Variants in SLC25A48 observed in about 807,000 individuals in gnomAD.
The protein encoded by SLC25A48 is CTC-321K16.1.
In SLC25A48, 29 loss-of-function variants were observed where a neutral mutation model predicts 32.2. That is an observed-to-expected ratio of 0.90 (90% CI 0.67 to 1.23). The LOEUF (loss-of-function observed/expected upper bound fraction) is 1.23. Ranked by LOEUF, SLC25A48 falls within the 50% of genes most tolerant of loss-of-function variation. The pLI is 0.00. For synonymous variants in SLC25A48, 164 were observed against 172.3 expected (o/e 0.95, Z 0.38); for missense variants, 399 against 422.7 (o/e 0.94, Z 0.49).
At position 135,834,911 on chromosome 5, in the gene SLC25A48, G is replaced by A; in HGVS notation, c.46+18G>A. 6.3e-7 allele frequency: 1 copy of A among 1,598,948 alleles called. No homozygotes were observed. Among genetic ancestry groups the A allele is most frequent in the South Asian group, 1.1e-5 (1 of 87,946 alleles). The stretch of plus-strand genomic sequence containing the variant: ...GATCGGAGGTGAGTGTGCTTACCGG[G>A]GACCCCCGGTCAGAGAGAGCGAGCC... On this transcript the variant is annotated intron_variant, in intron 1 of 7. Coordinates refer to ENST00000681962, the MANE Select transcript of SLC25A48 (RefSeq NM_001349336.2).
intron 1 of SLC25A48, among the ~76,000 whole-genome samples, chr5:135,604,844 C>T (rs1751893100): frequency 6.6e-6 from 1 of 152,164 alleles, no homozygotes; most frequent in African/African-American, 2.4e-5. Flanking sequence ...AGTCAGACTG[C>T]CAGGCGTGAA....
chr5:135,692,056 A>G (rs11959280), intron 3 of SLC25A48, among the ~76,000 whole-genome samples: 123,988 of 152,092 alleles, frequency 0.82, 50,777 homozygotes, highest in Middle Eastern at 0.89. Flanking sequence ...GGTGGCTCAC[A>G]CCTGTAATCC....
chr5:135,686,028 A>G (rs1331686679), intron 3 of SLC25A48, among the ~76,000 whole-genome samples: 1 of 152,222 alleles, frequency 6.6e-6, no homozygotes, highest in African/African-American at 2.4e-5. Flanking sequence ...GACTTGGTTC[A>G]TATGAGGCCG....
chr5:135,673,352 G>A (rs538814450), intron 3 of SLC25A48, among the ~76,000 whole-genome samples: 18 of 152,286 alleles, frequency 1.2e-4, no homozygotes, highest in Admixed American at 1.1e-3. Flanking sequence ...CTCCAGAAAT[G>A]CCTCTGAGAG....
chr5:135,656,293 A>G (rs973518756), intron 3 of SLC25A48, among the ~76,000 whole-genome samples: 1 of 152,146 alleles, frequency 6.6e-6, no homozygotes, highest in Non-Finnish European at 1.5e-5. Context: ...TCTGGTCCCC[A>G]TCTCACACTG....
intron 3 of SLC25A48, among the ~76,000 whole-genome samples, chr5:135,757,610 TGATATTAATAAAATATCTA>T (rs1471626827): frequency 1.3e-4 from 19 of 149,506 alleles, no homozygotes; most frequent in Non-Finnish European, 2.8e-4. Context: ...ATCTTCTAGA[TGATATTAATAAAATATCTA>T]GATATTAATA....
chr5:135,821,385 T>G (rs954835677), intron 4 of SLC25A48, among the ~76,000 whole-genome samples: 3 of 152,154 alleles, frequency 2.0e-5, no homozygotes, highest in Non-Finnish European at 4.4e-5. Context: ...GGGCAGAGAC[T>G]GGTGTCTCAG....
intron 1 of SLC25A48, among the ~76,000 whole-genome samples, chr5:135,580,781 A>G (rs866529386): frequency 1.3e-5 from 2 of 152,164 alleles, no homozygotes; most frequent in Admixed American, 6.5e-5. Flanking sequence ...TCTTGGGTGA[A>G]ATCTTCCCAA....
At chr5:135,606,540 G>A (rs565995386) in intron 1 of SLC25A48, among the ~76,000 whole-genome samples, 1 of 152,276 alleles carries the variant, frequency 6.6e-6, no homozygotes, top group South Asian at 2.1e-4. Context: ...GCATTGTCGG[G>A]TCTGTTTCAC....
chr5:135,828,172 C>T (rs1758114299), intron 4 of SLC25A48, among the ~76,000 whole-genome samples: 1 of 152,206 alleles, frequency 6.6e-6, no homozygotes, highest in Non-Finnish European at 1.5e-5. Flanking sequence ...AGATTTGGTG[C>T]AAAAGAGATC....
intron 1 of SLC25A48, among the ~76,000 whole-genome samples, chr5:135,835,785 A>G (rs549484772): frequency 6.6e-6 from 1 of 152,236 alleles, no homozygotes; most frequent in African/African-American, 2.4e-5. Context: ...GGGTGAAAAA[A>G]TAAGATGAAA....
intron 4 of SLC25A48, among the ~76,000 whole-genome samples, chr5:135,814,683 C>T (rs1757673319): frequency 6.6e-6 from 1 of 152,212 alleles, no homozygotes; most frequent in Admixed American, 6.5e-5. Context: ...TGCCGCATCT[C>T]CAGGATGGTG....
At chr5:135,661,249 G>A (rs547922189) in intron 3 of SLC25A48, among the ~76,000 whole-genome samples, 7 of 152,352 alleles carry the variant, frequency 4.6e-5, no homozygotes, top group South Asian at 2.1e-4. Context: ...AGGCAGATGC[G>A]GGGAGAGACA....
chr5:135,865,765 G>T (rs901153545), intron 4 of SLC25A48, among the ~76,000 whole-genome samples: 1 of 152,214 alleles, frequency 6.6e-6, no homozygotes, highest in Non-Finnish European at 1.5e-5. Context: ...GGCATGGGCT[G>T]TGGGGACCTT....
chr5:135,843,829 G>T (rs964288901), intron 2 of SLC25A48, among the ~76,000 whole-genome samples: 6 of 152,228 alleles, frequency 3.9e-5, no homozygotes, highest in African/African-American at 1.2e-4. Flanking sequence ...TGGTGCAGGT[G>T]CTTGGAGAGG....
At chr5:135,858,628 G>A (rs1035046439) in intron 4 of SLC25A48, among the ~76,000 whole-genome samples, 2 of 152,238 alleles carry the variant, frequency 1.3e-5, no homozygotes. Flanking sequence ...AGTGGGAGGT[G>A]GAGGAGGTCT....
intron 4 of SLC25A48, among the ~76,000 whole-genome samples, chr5:135,865,825 C>G (rs139697795): frequency 2.0e-5 from 3 of 152,302 alleles, no homozygotes; most frequent in Non-Finnish European, 2.9e-5. Context: ...ACCCATCGAA[C>G]AGCAGCTGTA....
intron 1 of SLC25A48, among the ~76,000 whole-genome samples, chr5:135,837,742 T>C (rs1758652938): frequency 6.6e-6 from 1 of 152,218 alleles, no homozygotes; most frequent in South Asian, 2.1e-4. Context: ...TTTGCTCCTC[T>C]TTAACATTCT....
chr5:135,743,015 C>A (rs1166764436), intron 3 of SLC25A48, among the ~76,000 whole-genome samples: 12 of 6,154 alleles, frequency 1.9e-3, no homozygotes, highest in Non-Finnish European at 4.8e-3. Context: ...CTTCCCCTTC[C>A]CTCCCCTCCC....
Sources: gnomAD v4.1 joint callset for allele counts (sites outside exome capture counted in the v4.1 genomes callset) on GRCh38, gnomAD v4.1.1 for gene constraint, MANE v1.5 for transcripts, NCBI Gene and HGNC (gene_info 2026-07-23, HGNC 2026-07-21) for gene names.